Variants in NAALADL2 observed in about 807,000 individuals in gnomAD.
The protein encoded by NAALADL2 is inactive N-acetylated-alpha-linked acidic dipeptidase-like protein 2.
A neutral mutation model predicts 87.2 loss-of-function variants in NAALADL2; 76 were observed. That is an observed-to-expected ratio of 0.87 (90% confidence interval 0.72 to 1.05). The LOEUF (loss-of-function observed/expected upper bound fraction) is 1.05, where lower values mean the gene tolerates loss of function less well. NAALADL2 is among the 50% of genes least tolerant of loss of function. The probability of loss-of-function intolerance (pLI) is 0.00; values close to 1 mark genes in which losing one functional copy is unlikely to be tolerated. For missense variants in NAALADL2, 1,089 were observed against 945.8 expected (o/e 1.15, Z -1.99); for synonymous variants, 354 against 331.0 (o/e 1.07, Z -0.75).
intron 1 of NAALADL2, among the ~76,000 whole-genome samples, chr3:175,066,097 T>A (rs529290396): frequency 6.6e-6 from 1 of 152,100 alleles, no homozygotes; most frequent in East Asian, 1.9e-4. Flanking sequence ...AATCCTGAAA[T>A]GTAGCCACTC....
intron 10 of NAALADL2, among the ~76,000 whole-genome samples, chr3:175,577,165 G>C (rs1719022050): frequency 6.6e-6 from 1 of 152,140 alleles, no homozygotes; most frequent in Non-Finnish European, 1.5e-5. Context: ...TGAGATGGAA[G>C]CCCTGACTCT....
Position 175,807,059 on chromosome 3 carries a change from A to G in NAALADL2, c.*3856A>G, listed in dbSNP as rs148114180. On this transcript the variant is annotated 3_prime_UTR_variant, in exon 14 of 14. Coordinates refer to ENST00000454872, the MANE Select transcript of NAALADL2 (RefSeq NM_207015.3). ...TGTAGGCAAGTTTGAAGATATCTATAAGAGCATTAAAAGGCAAGTGCACCA... is the reference window on the plus strand; with the variant it reads ...TGTAGGCAAGTTTGAAGATATCTATGAGAGCATTAAAAGGCAAGTGCACCA... 6.6e-6 allele frequency: 1 copy of G among 151,966 alleles called. No individual in the cohort carries two copies. The highest frequency in any genetic ancestry group is 2.4e-5 in the African/African-American group (1 of 41,534). The allele number at this position is 151,966 out of a possible 1,614,324, so 9.4% of individuals were successfully genotyped here.
chr3:175,592,057 C>T (rs1272718655), intron 10 of NAALADL2, among the ~76,000 whole-genome samples: 1 of 151,926 alleles, frequency 6.6e-6, no homozygotes, highest in African/African-American at 2.4e-5. Context: ...AGTGACTGCA[C>T]TATAAATGCT....
chr3:175,355,578 A>T (rs1332957076), intron 5 of NAALADL2, among the ~76,000 whole-genome samples: 1 of 152,146 alleles, frequency 6.6e-6, no homozygotes, highest in East Asian at 1.9e-4. Context: ...GACATCAGAA[A>T]CTTAGGTTTA....
chr3:175,800,044 T>C (rs1753956016), intron 13 of NAALADL2, among the ~76,000 whole-genome samples: 2 of 152,182 alleles, frequency 1.3e-5, no homozygotes, highest in South Asian at 4.1e-4. Flanking sequence ...AATATATAGT[T>C]TATTCCCAGA....
chr3:174,771,033 G>T (rs1195380518), intron 3 of NAALADL2, among the ~76,000 whole-genome samples: 4 of 152,060 alleles, frequency 2.6e-5, no homozygotes, highest in African/African-American at 9.7e-5. Flanking sequence ...GTCCAAACTA[G>T]AATTAATATA....
At chr3:174,655,007 T>C (rs970976188) in intron 2 of NAALADL2, among the ~76,000 whole-genome samples, 1 of 152,212 alleles carries the variant, frequency 6.6e-6, no homozygotes, top group African/African-American at 2.4e-5. Flanking sequence ...AGTGCTGGGA[T>C]TACAGGCGTG....
At position 174,727,354 on chromosome 3, in the gene NAALADL2, A is replaced by G. The variant is rs147871786; in HGVS notation, c.-114-10287A>G. Among the ~76,000 whole-genome samples, 206 of 152,130 alleles carry G rather than the reference A, an allele frequency of 1.4e-3. 1 individual carries two copies. The highest frequency in any genetic ancestry group is 4.5e-3 in the African/African-American group (188 of 41,548). On this transcript the variant is annotated intron_variant, in intron 2 of 3. Coordinates refer to the NAALADL2 transcript ENST00000434257. ...AATATTTAGGATTTCCTTTCCCAAA[A>G]TGGGTAATGTTCACTCATTTTTGAT...
intron 1 of NAALADL2, among the ~76,000 whole-genome samples, chr3:174,542,767 G>A (rs868308248): frequency 3.3e-5 from 5 of 152,196 alleles, no homozygotes; most frequent in Non-Finnish European, 7.3e-5. Flanking sequence ...CTGATGAACA[G>A]CAAGGGCAAC....
chr3:175,588,264 C>A lies in NAALADL2; in HGVS notation c.1800+12077C>A, dbSNP rs1720835888. ...ACACCTGAGCCAATTATTATAGAGT[C>A]ATTGGCAATCTCAATTGGGTTTTGG... On this transcript the variant is annotated intron_variant, in intron 10 of 13. Coordinates refer to ENST00000454872, the MANE Select transcript of NAALADL2 (RefSeq NM_207015.3). Among the ~76,000 whole-genome samples the A allele has an allele frequency of 3.9e-5, 6 of 152,214 alleles. No homozygotes were observed. The South Asian group carries it at 1.0e-3, about 26-fold the overall frequency.
At chr3:174,718,527 G>A (rs1156469979) in intron 2 of NAALADL2, among the ~76,000 whole-genome samples, 2 of 152,116 alleles carry the variant, frequency 1.3e-5, no homozygotes, top group Non-Finnish European at 2.9e-5. Flanking sequence ...GCAGAACTAG[G>A]ATGAGAAACC....
chr3:174,763,325 A>C (rs1411221143), intron 3 of NAALADL2, among the ~76,000 whole-genome samples: 2 of 152,202 alleles, frequency 1.3e-5, no homozygotes, highest in Non-Finnish European at 2.9e-5. Flanking sequence ...GCAGTGGCTC[A>C]TGCCTGTAAT....
chr3:175,664,617 T>C lies in NAALADL2; in HGVS notation c.1896+37231T>C, dbSNP rs1045091033. 8.5e-5 allele frequency among the ~76,000 whole-genome samples: 13 copies of C among 152,256 alleles called. 1 individual carries two copies. In the South Asian group the frequency reaches 2.7e-3, roughly 32 times the overall value. On this transcript the variant is annotated intron_variant, in intron 11 of 13. Coordinates refer to ENST00000454872, the MANE Select transcript of NAALADL2 (RefSeq NM_207015.3). ...AAAGAACTTAGCCATAGAACAATATTTGTATTTTTGATTTTTTTTGTATTA... is the reference window on the plus strand; with the variant it reads ...AAAGAACTTAGCCATAGAACAATATCTGTATTTTTGATTTTTTTTGTATTA...
intron 2 of NAALADL2, among the ~76,000 whole-genome samples, chr3:174,718,727 A>G (rs73048112): frequency 0.014 from 2,159 of 152,298 alleles, 64 homozygotes; most frequent in African/African-American, 0.05. Flanking sequence ...CCAGGGCTGT[A>G]TCTTCCCAAA....
At chr3:174,589,269 A>T (rs1033015544) in intron 2 of NAALADL2, among the ~76,000 whole-genome samples, 1 of 152,092 alleles carries the variant, frequency 6.6e-6, no homozygotes, top group East Asian at 1.9e-4. Context: ...TCCAGGTACC[A>T]TCTGTCACGG....
intron 5 of NAALADL2, among the ~76,000 whole-genome samples, chr3:175,443,791 G>A (rs1291808648): frequency 6.6e-6 from 1 of 152,118 alleles, no homozygotes; most frequent in African/African-American, 2.4e-5. Flanking sequence ...AGAATTTATA[G>A]TTCAGAGGGA....
chr3:174,741,565 A>C (rs1733763089), intron 3 of NAALADL2, among the ~76,000 whole-genome samples: 1 of 151,566 alleles, frequency 6.6e-6, no homozygotes, highest in Non-Finnish European at 1.5e-5. Context: ...TCAGAGGACA[A>C]GCTTGTAGCG....
intron 2 of NAALADL2, among the ~76,000 whole-genome samples, chr3:174,715,009 A>C (rs533205951): frequency 3.9e-5 from 6 of 152,204 alleles, no homozygotes; most frequent in African/African-American, 1.2e-4. Flanking sequence ...TAGCATGAAG[A>C]GTTGTTGAAT....
At chr3:175,168,305 T>A (rs1033467667) in intron 2 of NAALADL2, among the ~76,000 whole-genome samples, 3 of 151,908 alleles carry the variant, frequency 2.0e-5, no homozygotes, top group African/African-American at 7.2e-5. Flanking sequence ...AGGCTACTTA[T>A]AATAAATGCA....
Sources: allele counts gnomAD v4.1 joint callset (sites outside exome capture counted in the v4.1 genomes callset), GRCh38; gene constraint gnomAD v4.1.1; transcripts MANE v1.5; gene names NCBI Gene and HGNC (gene_info 2026-07-23, HGNC 2026-07-21).